Variants in SMAD3 observed in about 807,000 individuals in gnomAD.
The protein encoded by SMAD3 is MAD homolog 3.
In SMAD3, 12 loss-of-function variants were observed where a neutral mutation model predicts 51.8. The observed-to-expected ratio is 0.23, with a 90% CI of 0.15 to 0.38. The LOEUF (loss-of-function observed/expected upper bound fraction) is 0.38, where lower values mean the gene tolerates loss of function less well. SMAD3 is among the 10% of genes least tolerant of loss of function. SMAD3 has a pLI of 1.00. For synonymous variants in SMAD3, 238 were observed against 227.7 expected (o/e 1.05, Z -0.41); for missense variants, 294 against 565.6 (o/e 0.52, Z 4.87).
intron 1 of SMAD3, among the ~76,000 whole-genome samples, chr15:67,106,996 C>T (rs1329351280): frequency 1.3e-5 from 2 of 152,040 alleles, no homozygotes; most frequent in African/African-American, 4.8e-5. Flanking sequence ...GTCCAGTCTC[C>T]TTAGCTGAGT....
chr15:67,175,186 C>G (rs1962856490), intron 5 of SMAD3, among the ~76,000 whole-genome samples: 1 of 152,092 alleles, frequency 6.6e-6, no homozygotes, highest in African/African-American at 2.4e-5. Flanking sequence ...TAAGTTGTTC[C>G]CTGCTTTAAA....
At chr15:67,106,705 C>T (rs1960884764) in intron 1 of SMAD3, among the ~76,000 whole-genome samples, 1 of 152,164 alleles carries the variant, frequency 6.6e-6, no homozygotes, top group Admixed American at 6.5e-5. Context: ...TGGCCCCACA[C>T]ACAGCTTCCT....
intron 8 of SMAD3, among the ~76,000 whole-genome samples, chr15:67,189,411 C>G (rs929411222): frequency 3.9e-5 from 6 of 152,340 alleles, no homozygotes; most frequent in African/African-American, 1.4e-4. Context: ...GCTCCAAGTG[C>G]TAGGAAGAGG....
At chr15:67,108,782 T>C (rs1198500937) in intron 1 of SMAD3, among the ~76,000 whole-genome samples, 1 of 152,128 alleles carries the variant, frequency 6.6e-6, no homozygotes, top group Non-Finnish European at 1.5e-5. Flanking sequence ...AAACGGAGCA[T>C]TTGGTCCTTG....
intron 1 of SMAD3, among the ~76,000 whole-genome samples, chr15:67,076,052 C>T (rs556567050): frequency 2.0e-5 from 3 of 152,170 alleles, no homozygotes; most frequent in Non-Finnish European, 4.4e-5. Context: ...TGTCCGTCGA[C>T]TCCAATAGGT....
In SMAD3 at chr15:67,175,869, T is replaced by C. The variant is rs558485274; in HGVS notation, c.658+5265T>C. Among the ~76,000 whole-genome samples the C allele has an allele frequency of 3.6e-4, 55 of 152,320 alleles. No individual in the cohort carries two copies. In the South Asian group the frequency reaches 9.7e-3, roughly 27 times the overall value. ...GCTGCTGCCCAAGGCTCTTTTACAA[T>C]GCAGCCTCTGGCTCCGGTCTTCCCC... On this transcript the variant is annotated intron_variant, in intron 5 of 8. Coordinates refer to ENST00000327367, the MANE Select transcript of SMAD3 (RefSeq NM_005902.4).
intron 1 of SMAD3, among the ~76,000 whole-genome samples, chr15:67,073,730 A>G (rs1281298547): frequency 6.6e-6 from 1 of 152,224 alleles, no homozygotes; most frequent in Non-Finnish European, 1.5e-5. Context: ...GCTAAAGTGC[A>G]ATGGCGCGGT....
intron 1 of SMAD3, among the ~76,000 whole-genome samples, chr15:67,101,267 A>G (rs773173058): frequency 4.6e-5 from 7 of 152,190 alleles, no homozygotes; most frequent in Admixed American, 1.3e-4. Context: ...AACACCTGAC[A>G]CTACAGGAAA....
chr15:67,099,951 G>A (rs572280887), intron 1 of SMAD3, among the ~76,000 whole-genome samples: 1 of 152,310 alleles, frequency 6.6e-6, no homozygotes, highest in South Asian at 2.1e-4. Context: ...GGAGACCAAG[G>A]TGGGTGGGTC....
chr15:67,155,857 C>A (rs540375046), intron 1 of SMAD3, among the ~76,000 whole-genome samples: 1 of 151,798 alleles, frequency 6.6e-6, no homozygotes, highest in Non-Finnish European at 1.5e-5. Flanking sequence ...TGTGGTGGTG[C>A]GCACCTATAA....
At chr15:67,084,523 A>G (rs1960348074) in intron 1 of SMAD3, among the ~76,000 whole-genome samples, 1 of 152,120 alleles carries the variant, frequency 6.6e-6, no homozygotes, top group Admixed American at 6.5e-5. Context: ...TTCCTTAATG[A>G]CCTATTTAAT....
intron 1 of SMAD3, among the ~76,000 whole-genome samples, chr15:67,160,260 C>G (rs1164182908): frequency 1.3e-5 from 2 of 152,228 alleles, no homozygotes; most frequent in African/African-American, 4.8e-5. Flanking sequence ...TTTGCACCAG[C>G]AGTGGAAGGG....
At chr15:67,100,747 G>A (rs962022103) in intron 1 of SMAD3, among the ~76,000 whole-genome samples, 3 of 152,088 alleles carry the variant, frequency 2.0e-5, no homozygotes, top group Non-Finnish European at 4.4e-5. Context: ...GGACATTTAC[G>A]TGTACACTGA....
chr15:67,090,759 C>T (rs547238096), intron 1 of SMAD3, among the ~76,000 whole-genome samples: 2 of 152,298 alleles, frequency 1.3e-5, no homozygotes, highest in Non-Finnish European at 1.5e-5. Context: ...CTCCCATCTC[C>T]CTGTTTTCTG....
At chr15:67,160,104 C>A (rs541092455) in intron 1 of SMAD3, among the ~76,000 whole-genome samples, 5 of 152,290 alleles carry the variant, frequency 3.3e-5, no homozygotes, top group African/African-American at 1.2e-4. Flanking sequence ...CCCAATTACC[C>A]AGATTTGATC....
At chr15:67,162,964 A>G (rs1464437903) in intron 1 of SMAD3, among the ~76,000 whole-genome samples, 1 of 151,330 alleles carries the variant, frequency 6.6e-6, no homozygotes, top group African/African-American at 2.4e-5. Flanking sequence ...GATGATGATG[A>G]TGATGATGAT....
In SMAD3 at chr15:67,166,798, C is replaced by T; in HGVS notation, c.552C>T (p.Tyr184=). The T allele has an allele frequency of 6.3e-7, 1 of 1,596,662 alleles. No individual in the cohort carries two copies. The highest frequency in any genetic ancestry group is 8.5e-7 in the Non-Finnish European group (1 of 1,171,246). Residue 184 remains tyrosine, a synonymous_variant, in exon 4 of 9, where the codon TAC becomes TAT. Coordinates refer to ENST00000327367, the MANE Select transcript of SMAD3 (RefSeq NM_005902.4). ...SNIPETPPPG[Y]LSEDGETSDH... Reference sequence around the variant, plus strand: ...TCCCAGAGACCCCACCCCCTGGCTACCTGAGTGAAGATGGAGAAACCAGTG... The same window carrying T: ...TCCCAGAGACCCCACCCCCTGGCTATCTGAGTGAAGATGGAGAAACCAGTG...
chr15:67,192,032 CT>C lies in SMAD3; in HGVS notation c.*1497del, dbSNP rs1466213488. 1 of 231,620 alleles carries C rather than the reference CT, an allele frequency of 4.3e-6. No homozygotes were observed. The highest frequency in any genetic ancestry group is 8.6e-6 in the Non-Finnish European group (1 of 116,802). The allele number at this position is 231,620 out of a possible 1,614,324, so 14.3% of individuals were successfully genotyped here. On this transcript the variant is annotated 3_prime_UTR_variant, in exon 9 of 9. Coordinates refer to ENST00000327367, the MANE Select transcript of SMAD3 (RefSeq NM_005902.4). ...TCAATTGGTACTTTATTCTTTGCTG[CT>C]GTTTTTGTATAAAATGACCTATCCC...
intron 1 of SMAD3, among the ~76,000 whole-genome samples, chr15:67,132,668 G>C (rs1055867475): frequency 6.6e-6 from 1 of 152,194 alleles, no homozygotes; most frequent in Non-Finnish European, 1.5e-5. Context: ...CTAGGACAGT[G>C]AACTCACCAA....
Sources: gnomAD v4.1 joint callset for allele counts (sites outside exome capture counted in the v4.1 genomes callset) on GRCh38, gnomAD v4.1.1 for gene constraint, MANE v1.5 for transcripts, NCBI Gene and HGNC (gene_info 2026-07-23, HGNC 2026-07-21) for gene names.